The following USP54 variants were observed in gnomAD, a reference collection of about 807,000 sequenced individuals.
USP54 encodes the protein ubiquitin specific peptidase 54.
A neutral mutation model predicts 170.5 loss-of-function variants in USP54; 87 were observed. The observed-to-expected ratio is 0.51, with a 90% CI of 0.43 to 0.61. USP54 has a LOEUF of 0.61. Ranked by LOEUF, USP54 falls within the 20% of genes least tolerant of loss-of-function variation. The probability of loss-of-function intolerance (pLI) is 0.00; values close to 1 mark genes in which losing one functional copy is unlikely to be tolerated. For missense variants in USP54, 1,786 were observed against 2,047.8 expected (o/e 0.87, Z 2.47); for synonymous variants, 655 against 742.8 (o/e 0.88, Z 1.92).
intron 21 of USP54, 132 bp from the exon 22 acceptor site, chr10:73,505,122 T>C: frequency 7.3e-7 from 1 of 1,371,838 alleles, no homozygotes. Flanking sequence ...TTAGATGTAT[T>C]GGTAAGATAG....
At chr10:73,552,245 T>C (rs894991446) in intron 4 of USP54, among the ~76,000 whole-genome samples, 2 of 152,160 alleles carry the variant, frequency 1.3e-5, no homozygotes, top group African/African-American at 4.8e-5. Context: ...AAATCCCGTC[T>C]CTACTAAAAA....
chr10:73,601,429 G>A (rs2079155936), intron 1 of USP54, among the ~76,000 whole-genome samples: 1 of 151,922 alleles, frequency 6.6e-6, no homozygotes, highest in Admixed American at 6.6e-5. Flanking sequence ...CCTCAACTTA[G>A]AGAAAGACTG....
intron 1 of USP54, among the ~76,000 whole-genome samples, chr10:73,598,560 C>CA: frequency 6.6e-6 from 1 of 152,160 alleles, no homozygotes; most frequent in Non-Finnish European, 1.5e-5. Context: ...CCGATCACAA[C>CA]AAGGTCAGGA....
At chr10:73,614,988 C>T (rs988247366) in intron 1 of USP54, 3 of 149,892 alleles carry the variant, frequency 2.0e-5, no homozygotes, top group African/African-American at 7.6e-5. Context: ...AGAGAGAGTT[C>T]CTATTAGTCT....
At chr10:73,619,055 A>C (rs1165005340) in intron 1 of USP54, among the ~76,000 whole-genome samples, 2 of 150,074 alleles carry the variant, frequency 1.3e-5, no homozygotes, top group Admixed American at 1.3e-4. Flanking sequence ...TCTACTAAAA[A>C]TACAAAAATT....
rs1201504681 is a variant in USP54, at chr10:73,523,692, C to A, written c.2253G>T (p.Arg751Ser). 1 of 1,613,726 alleles carries A rather than the reference C, an allele frequency of 6.2e-7. No homozygotes were observed. The highest frequency in any genetic ancestry group is 8.5e-7 in the Non-Finnish European group (1 of 1,179,924). ...LDELQEEVARRAQEQELRRKR... is the reference protein window; with the variant it reads ...LDELQEEVARSAQEQELRRKR... ...TTCTTCGAAGTTCCTGTTCCTGCGC[C>A]CTCCTGGCCACCTCTTCCTGCAATT... Residue 751 changes from arginine to serine, a missense_variant, in exon 17 of 24, where the codon AGG (arginine) becomes AGT (serine). Arg to Ser is a moderately radical substitution (Grantham distance 110, BLOSUM62 -1). Transcript: ENST00000687698.
At chr10:73,611,768 T>A (rs545646555) in intron 1 of USP54, 2 of 141,210 alleles carry the variant, frequency 1.4e-5, no homozygotes, top group African/African-American at 2.7e-5. Context: ...CTGCACTCCG[T>A]CTGGGCAACA....
At chr10:73,551,034 G>A (rs2069203422) in intron 4 of USP54, among the ~76,000 whole-genome samples, 1 of 152,208 alleles carries the variant, frequency 6.6e-6, no homozygotes, top group Admixed American at 6.5e-5. Flanking sequence ...GAACCCAGAA[G>A]GCAGAGCTTG....
At chr10:73,549,394 C>T (rs1391118781) in intron 4 of USP54, among the ~76,000 whole-genome samples, 1 of 152,222 alleles carries the variant, frequency 6.6e-6, no homozygotes, top group Non-Finnish European at 1.5e-5. Flanking sequence ...TGGACGTCTA[C>T]ATTTGAATAT....
chr10:73,615,434 G>A (rs1252113650), intron 1 of USP54, among the ~76,000 whole-genome samples: 1 of 150,170 alleles, frequency 6.7e-6, no homozygotes, highest in Non-Finnish European at 1.5e-5. Context: ...GATAATTACA[G>A]TCAATAATTT....
intron 4 of USP54, among the ~76,000 whole-genome samples, chr10:73,565,032 C>T (rs2073954214): frequency 6.6e-6 from 1 of 151,898 alleles, no homozygotes; most frequent in Non-Finnish European, 1.5e-5. Context: ...ATGACTGGTA[C>T]CAGTGTACTC....
At chr10:73,539,223 G>A (rs1422288402) in intron 10 of USP54, among the ~76,000 whole-genome samples, 2 of 146,938 alleles carry the variant, frequency 1.4e-5, no homozygotes, top group African/African-American at 2.5e-5. Flanking sequence ...AGATTGCAGT[G>A]AGCCAAGACC....
chr10:73,569,901 C>CAA (rs2074701884), intron 4 of USP54, among the ~76,000 whole-genome samples: 1 of 22,026 alleles, frequency 4.5e-5, no homozygotes, highest in Non-Finnish European at 1.0e-4. Context: ...GATTTCATCT[C>CAA]CAAAAAAAAA....
intron 4 of USP54, among the ~76,000 whole-genome samples, chr10:73,555,651 A>C (rs1347012729): frequency 6.6e-6 from 1 of 152,218 alleles, no homozygotes; most frequent in Non-Finnish European, 1.5e-5. Flanking sequence ...TCAATTTACT[A>C]ATTTTTGCCA....
At chr10:73,526,924 C>A in intron 15 of USP54, 144 bp from the exon 16 acceptor site, 1 of 997,554 alleles carries the variant, frequency 1.0e-6, no homozygotes, top group East Asian at 2.6e-5. Flanking sequence ...ATTGAAATAT[C>A]CACTCATTCT....
In USP54 at chr10:73,534,704, T is replaced by A. The variant is rs1193652319; in HGVS notation, c.1211A>T (p.His404Leu). Residue 404 changes from histidine to leucine, a missense_variant, in exon 12 of 24, where the codon CAT (histidine) becomes CTT (leucine). His to Leu is a moderately conservative substitution (Grantham distance 99). This residue lies in a region of USP54 where 1,418 missense variants were observed against 1,569.0 expected (regional missense o/e 0.90). Transcript: ENST00000687698. ...DSSTESYPYK[H>L]SHHESVVSHF... The stretch of plus-strand genomic sequence containing the variant: ...ACTGACCACAGACTCATGGTGGGAA[T>A]GTTTGTAGGGATAGCTCTCCGTTGA... 6.2e-7 allele frequency: 1 copy of A among 1,614,124 alleles called. No individual in the cohort carries two copies. The highest frequency in any genetic ancestry group is 1.1e-5 in the South Asian group (1 of 91,082).
chr10:73,584,394 A>T (rs2077241831), intron 1 of USP54, among the ~76,000 whole-genome samples: 1 of 152,168 alleles, frequency 6.6e-6, no homozygotes, highest in East Asian at 1.9e-4. Flanking sequence ...CTCAAAAAAA[A>T]AAGAAGAGAC....
chr10:73,505,801 C>T (rs182066578), intron 20 of USP54: 60 of 162,628 alleles, frequency 3.7e-4, no homozygotes, highest in Admixed American at 5.8e-4. Context: ...ACCCGGGAGG[C>T]GTAGCTTGCA....
rs555086918 is a variant in USP54, at chr10:73,571,599, T to C, written c.148-86A>G. The C allele has an allele frequency of 4.9e-6, 5 of 1,027,356 alleles. No individual in the cohort carries two copies. In the Admixed American group the frequency reaches 6.5e-5, roughly 13 times the overall value. The allele number at this position is 1,027,356 out of a possible 1,614,324, so 63.6% of individuals were successfully genotyped here. A position where few individuals can be genotyped will look rare whatever the true frequency, so the allele number is the denominator to read the frequency against. ...AAAGAGTTCAAACAAACATAGGTAATGACTGCAGAAGATGTCTTTATTCCC... is the reference window on the plus strand; with the variant it reads ...AAAGAGTTCAAACAAACATAGGTAACGACTGCAGAAGATGTCTTTATTCCC... On this transcript the variant is annotated intron_variant, in intron 3 of 23. Transcript: ENST00000687698.
Sources: allele counts gnomAD v4.1 joint callset (sites outside exome capture counted in the v4.1 genomes callset), GRCh38; gene constraint gnomAD v4.1.1; regional missense constraint gnomAD v4.1.1; transcripts MANE v1.5; gene names NCBI Gene and HGNC (gene_info 2026-07-23, HGNC 2026-07-21).